Variants in VPS50 observed in about 807,000 individuals in gnomAD.
The protein encoded by VPS50 is VPS50 subunit of EARP/GARPII complex.
A neutral mutation model predicts 139.7 loss-of-function variants in VPS50; 70 were observed. The observed-to-expected ratio is 0.50, with a 90% CI of 0.41 to 0.61. The LOEUF (loss-of-function observed/expected upper bound fraction) is 0.61, where lower values mean the gene tolerates loss of function less well. Ranked by LOEUF, VPS50 falls within the 20% of genes least tolerant of loss-of-function variation. VPS50 has a pLI of 0.00. For missense variants in VPS50, 921 were observed against 1,133.7 expected, an observed-to-expected ratio of 0.81 and a Z score of 2.69; for synonymous variants, 365 against 376.7, an observed-to-expected ratio of 0.97 and a Z score of 0.36.
At position 93,303,543 on chromosome 7, in the gene VPS50, A is replaced by C. The variant is rs1431713221; in HGVS notation, c.1445A>C (p.Gln482Pro). Residue 482 changes from glutamine (Q) to proline (P), a missense_variant, in exon 17 of 28, where the codon CAA (glutamine) becomes CCA (proline). Physicochemically the swap from Gln to Pro is moderately conservative, Grantham distance 76. Coordinates refer to ENST00000305866, the MANE Select transcript of VPS50 (RefSeq NM_017667.4). The stretch of plus-strand genomic sequence containing the variant: ...GTTAAGTCAAATTTCAGCATCTTGC[A>C]ACTTCATGTAAGTGTTTCTTAAGAA... ...CPVKSNFSIL[Q>P]LHEFKFMEQS... 6.8e-7 allele frequency: 1 copy of C among 1,467,972 alleles called. No homozygotes were observed. Among genetic ancestry groups the C allele is most frequent in the Non-Finnish European group, 9.5e-7 (1 of 1,057,722 alleles). The allele number at this position is 1,467,972 out of a possible 1,614,324, so 90.9% of individuals were successfully genotyped here.
At chr7:93,291,557 A>G in intron 12 of VPS50, 146 bp from the exon 13 acceptor site, 1 of 461,606 alleles carries the variant, frequency 2.2e-6, no homozygotes, top group Non-Finnish European at 3.7e-6. Flanking sequence ...TTTTCTCCCC[A>G]TTGAATTTTC....
chr7:93,299,158 C>T (rs558189824), intron 16 of VPS50, among the ~76,000 whole-genome samples: 4 of 152,232 alleles, frequency 2.6e-5, no homozygotes, highest in South Asian at 2.1e-4. Flanking sequence ...TAGTCATTTT[C>T]GCTCTGACAG....
chr7:93,297,697 T>C (rs1337389144), intron 16 of VPS50, among the ~76,000 whole-genome samples: 1 of 152,156 alleles, frequency 6.6e-6, no homozygotes, highest in Non-Finnish European at 1.5e-5. Context: ...TAAATCCAAA[T>C]TTGTATACTG....
intron 20 of VPS50, among the ~76,000 whole-genome samples, chr7:93,321,383 A>G (rs572460601): frequency 6.6e-6 from 1 of 152,350 alleles, no homozygotes; most frequent in African/African-American, 2.4e-5. Context: ...AGCCTCCTCA[A>G]GCCTCCAAAC....
At chr7:93,237,172 A>C (rs1235635737) in intron 1 of VPS50, among the ~76,000 whole-genome samples, 36 of 150,764 alleles carry the variant, frequency 2.4e-4, no homozygotes, top group Non-Finnish European at 3.8e-4. Flanking sequence ...TAGCCAGGAT[A>C]GTCTCCATCT....
At chr7:93,265,937 A>T (rs1183144160) in intron 9 of VPS50, among the ~76,000 whole-genome samples, 2 of 152,180 alleles carry the variant, frequency 1.3e-5, no homozygotes, top group African/African-American at 4.8e-5. Flanking sequence ...ATCCAAAGTG[A>T]TCTTAGGAAT....
At chr7:93,285,715 T>C (rs917387501) in intron 12 of VPS50, among the ~76,000 whole-genome samples, 3 of 152,176 alleles carry the variant, frequency 2.0e-5, no homozygotes, top group East Asian at 3.8e-4. Flanking sequence ...AAATGGAAGG[T>C]GCCAAGTGTT....
intron 12 of VPS50, among the ~76,000 whole-genome samples, chr7:93,283,302 G>A (rs1221237587): frequency 4.0e-5 from 6 of 149,234 alleles, no homozygotes; most frequent in African/African-American, 1.2e-4. Flanking sequence ...ATCTTGGCTC[G>A]TTGCAACCTC....
In VPS50 at chr7:93,291,807, T is replaced by G; in HGVS notation, c.1047T>G (p.His349Gln). The G allele has an allele frequency of 6.2e-7, 1 of 1,601,946 alleles. No individual in the cohort carries two copies. Among genetic ancestry groups the G allele is most frequent in the Non-Finnish European group, 8.5e-7 (1 of 1,173,072 alleles). The change falls in exon 13 of 28, where the codon CAT becomes CAG. Residue 349 changes from histidine (H) to glutamine (Q), a missense_variant. His to Gln is a conservative substitution (Grantham distance 24). This residue lies in a region of VPS50 where 744 missense variants were observed against 930.6 expected (regional missense o/e 0.80). Transcript: ENST00000305866. ...YYRTMEWHEK[H>Q]DNEDTASASE... The stretch of plus-strand genomic sequence containing the variant: ...GGACTATGGAATGGCATGAAAAGCA[T>G]GACAATGAGGATACTGCTTCAGCTT...
intron 20 of VPS50, among the ~76,000 whole-genome samples, chr7:93,315,486 A>T (rs1227495943): frequency 6.6e-6 from 1 of 152,216 alleles, no homozygotes; most frequent in East Asian, 1.9e-4. Flanking sequence ...TTTACCAATG[A>T]GGTTACTAAC....
At chr7:93,292,951 A>G (rs1328364937) in intron 13 of VPS50, among the ~76,000 whole-genome samples, 1 of 152,152 alleles carries the variant, frequency 6.6e-6, no homozygotes, top group Non-Finnish European at 1.5e-5. Context: ...CCCTGGGACC[A>G]TGAGCTCTGC....
At chr7:93,257,354 A>G in intron 5 of VPS50, 40 bp from the exon 6 acceptor site, 1 of 1,229,752 alleles carries the variant, frequency 8.1e-7, no homozygotes, top group Non-Finnish European at 1.2e-6. Flanking sequence ...AAGAAAAATA[A>G]AATACCTCCA....
In VPS50 at chr7:93,356,090, G is replaced by A. The variant is rs752279614; in HGVS notation, c.2775+10G>A. On this transcript the variant is annotated intron_variant, in intron 27 of 27. Transcript: ENST00000305866. ...GATCAAAGAGCACAGGGTGAGAGCT[G>A]GAAAATAGTTAATTAAGTTTTTATT... is the stretch of plus-strand genomic sequence containing the variant. 15 of 1,329,814 alleles carry A rather than the reference G, an allele frequency of 1.1e-5. No homozygotes were observed. The South Asian group carries it at 1.5e-4, about 13-fold the overall frequency. The allele number at this position is 1,329,814 out of a possible 1,614,324, so 82.4% of individuals were successfully genotyped here.
At chr7:93,232,930 A>T (rs1794681083) in intron 1 of VPS50, among the ~76,000 whole-genome samples, 1 of 152,176 alleles carries the variant, frequency 6.6e-6, no homozygotes. Context: ...CAGAATTAGT[A>T]GCTTTTGGAT....
At chr7:93,352,081 A>G (rs1461441082) in intron 25 of VPS50, among the ~76,000 whole-genome samples, 1 of 152,238 alleles carries the variant, frequency 6.6e-6, no homozygotes, top group Non-Finnish European at 1.5e-5. Flanking sequence ...AAATGTTTGT[A>G]TGATTCATTT....
intron 3 of VPS50, 28 bp from the exon 4 acceptor site, chr7:93,253,832 C>T (rs2035657814): frequency 3.7e-6 from 5 of 1,334,202 alleles, no homozygotes; most frequent in African/African-American, 2.9e-5. Context: ...TTATTTTTTC[C>T]TCTTCTTTCA....
chr7:93,243,407 G>C (rs1291671538), intron 2 of VPS50, among the ~76,000 whole-genome samples: 1 of 151,922 alleles, frequency 6.6e-6, no homozygotes. Flanking sequence ...GGTAATTCCA[G>C]TGTAGAGCCA....
Position 93,353,649 on chromosome 7 carries a change from C to G in VPS50, c.2473C>G (p.Gln825Glu). ...CTATTTGTCTTCTTAGGAATTTGAG[C>G]AGTTTAACAGGAGGCTAAATGAAGT... ...YVDALLKEFEQFNRRLNEVSK... is the reference protein window; with the variant it reads ...YVDALLKEFEEFNRRLNEVSK... Residue 825 changes from glutamine (Q) to glutamate (E), a missense_variant, in exon 26 of 28, where the codon CAG becomes GAG. This residue lies in a region of VPS50 where 19 missense variants were observed against 46.8 expected (regional missense o/e 0.41). Transcript: ENST00000305866. The G allele has an allele frequency of 6.2e-7, 1 of 1,610,402 alleles. No homozygotes were observed.
chr7:93,260,992 C>G (rs1795652777), intron 9 of VPS50, among the ~76,000 whole-genome samples: 1 of 152,210 alleles, frequency 6.6e-6, no homozygotes, highest in South Asian at 2.1e-4. Flanking sequence ...ACCAGTGATA[C>G]TTTCATTTTG....
Sources: gnomAD v4.1 joint callset for allele counts (sites outside exome capture counted in the v4.1 genomes callset) on GRCh38, gnomAD v4.1.1 for gene constraint, gnomAD v4.1.1 regional missense constraint, MANE v1.5 for transcripts, NCBI Gene and HGNC (gene_info 2026-07-23, HGNC 2026-07-21) for gene names.